UFM1: variants seen among roughly 807,000 people sequenced by gnomAD.
The protein encoded by UFM1 is ubiquitin fold modifier 1, also known as ubiquitin-fold modifier 1.
UFM1 carries 9 observed loss-of-function variants against 15.4 expected under a neutral mutation model. The ratio of observed to expected loss-of-function variants is 0.59; its 90% CI spans 0.35 to 1.02. The LOEUF (loss-of-function observed/expected upper bound fraction) is 1.02, where lower values mean the gene tolerates loss of function less well. Among genes scored for constraint, UFM1 ranks in the 50% least tolerant of loss-of-function variants. UFM1 has a pLI of 0.02. For synonymous variants in UFM1, 27 were observed against 36.3 expected (o/e 0.74, Z 0.92); for missense variants, 98 against 104.7 (o/e 0.94, Z 0.28).
Position 38,363,497 on chromosome 13 carries a change from A to G in UFM1, c.*2719A>G, listed in dbSNP as rs1270891884. 2 of 5,568 alleles carry G rather than the reference A, an allele frequency of 3.6e-4. No homozygotes were observed. Among genetic ancestry groups the G allele is most frequent in the African/African-American group, 2.1e-4 (1 of 4,790 alleles). 0.3% of individuals were successfully genotyped at this position (5,568 alleles called of 1,614,324 possible). A position where few individuals can be genotyped will look rare whatever the true frequency, so the allele number is the denominator to read the frequency against. On this transcript the variant is annotated 3_prime_UTR_variant, in exon 6 of 6. Transcript: ENST00000239878. ...AAATGCCTGTCCATTTTACAGACGG[A>G]AAAAAAAAAAAAAAAAGTTGAGAAG...
Position 38,360,939 on chromosome 13 carries a change from C to A in UFM1, c.*161C>A. 1 of 546,620 alleles carries A rather than the reference C, an allele frequency of 1.8e-6. No homozygotes were observed. The highest frequency in any genetic ancestry group is 3.1e-5 in the East Asian group (1 of 32,446). The allele number at this position is 546,620 out of a possible 1,614,324, so 33.9% of individuals were successfully genotyped here. A position where few individuals can be genotyped will look rare whatever the true frequency, so the allele number is the denominator to read the frequency against. On this transcript the variant is annotated 3_prime_UTR_variant, in exon 6 of 6. Transcript: ENST00000239878. ...TCCCTTTTTGTTGTCCATACTCTTC[C>A]TATGAAGAGGGAATGCGTATGAATT... is the stretch of plus-strand genomic sequence containing the variant.
chr13:38,352,221 C>G (rs1291009820), intron 2 of UFM1, among the ~76,000 whole-genome samples: 3 of 151,776 alleles, frequency 2.0e-5, no homozygotes, highest in Non-Finnish European at 4.4e-5. Flanking sequence ...CCTCAGCCTC[C>G]CAAATAGCTG....
intron 2 of UFM1, among the ~76,000 whole-genome samples, chr13:38,351,127 A>C (rs1437441820): frequency 6.6e-6 from 1 of 152,148 alleles, no homozygotes; most frequent in Non-Finnish European, 1.5e-5. Flanking sequence ...CTCCTTATAT[A>C]GTTAAGAGTC....
In UFM1 at chr13:38,349,872, C is replaced by G. The variant is rs779056293; in HGVS notation, c.-48C>G. 1.2e-6 allele frequency: 2 copies of G among 1,614,136 alleles called. No individual in the cohort carries two copies. Among genetic ancestry groups the G allele is most frequent in the East Asian group, 2.2e-5 (1 of 44,854 alleles). ...CCCCAGCACACTAGAGGAAGTCGTG[C>G]TACCCCCGCGGAGTTGTCGTGTGTT... is the stretch of plus-strand genomic sequence containing the variant. On this transcript the variant is annotated 5_prime_UTR_variant, in exon 1 of 6. Coordinates refer to ENST00000239878, the MANE Select transcript of UFM1 (RefSeq NM_016617.4).
intron 2 of UFM1, 119 bp from the exon 3 acceptor site, chr13:38,354,120 C>T (rs767996560): frequency 1.3e-6 from 1 of 795,240 alleles, no homozygotes; most frequent in Non-Finnish European, 2.0e-6. Flanking sequence ...AAATCACTAA[C>T]TTTGAAACTG....
At chr13:38,360,594 GA>G in intron 5 of UFM1, 116 bp from the exon 6 acceptor site, 1 of 715,400 alleles carries the variant, frequency 1.4e-6, no homozygotes, top group Non-Finnish European at 2.2e-6. Flanking sequence ...CATGATGCTT[GA>G]GCTTTTGTAC....
chr13:38,359,037 A>G (rs1405824558), intron 4 of UFM1, among the ~76,000 whole-genome samples: 1 of 152,086 alleles, frequency 6.6e-6, no homozygotes, highest in Non-Finnish European at 1.5e-5. Context: ...AATAGAATTA[A>G]TAACCTATAT....
chr13:38,356,737 G>A (rs1879116537), intron 3 of UFM1, among the ~76,000 whole-genome samples: 1 of 149,974 alleles, frequency 6.7e-6, no homozygotes, highest in African/African-American at 2.4e-5. Context: ...GAAGAACAGG[G>A]ATTACTGGTC....
Position 38,358,228 on chromosome 13 carries a change from G to A in UFM1, c.157+96G>A, listed in dbSNP as rs369399488. 1.5e-5 allele frequency: 10 copies of A among 669,050 alleles called. No homozygotes were observed. The South Asian group carries it at 2.7e-4, about 18-fold the overall frequency. 41.4% of individuals were successfully genotyped at this position (669,050 alleles called of 1,614,324 possible). A position where few individuals can be genotyped will look rare whatever the true frequency, so the allele number is the denominator to read the frequency against. The stretch of plus-strand genomic sequence containing the variant: ...TAAAATTAAATACAAAAAGCCCCAA[G>A]TATATGTATATCAACATAAATGATA... On this transcript the variant is annotated intron_variant, in intron 4 of 5. Transcript: ENST00000239878.
chr13:38,360,234 T>G (rs1879309133), intron 5 of UFM1, among the ~76,000 whole-genome samples: 1 of 151,972 alleles, frequency 6.6e-6, no homozygotes, highest in Non-Finnish European at 1.5e-5. Context: ...ACTTTCAATA[T>G]TTTACAGTAG....
chr13:38,352,945 T>G (rs1878927080), intron 2 of UFM1, among the ~76,000 whole-genome samples: 1 of 152,218 alleles, frequency 6.6e-6, no homozygotes, highest in Non-Finnish European at 1.5e-5. Flanking sequence ...GCAAAAATAC[T>G]TTGTAAAATA....
At chr13:38,351,899 G>A (rs1878872253) in intron 2 of UFM1, among the ~76,000 whole-genome samples, 1 of 151,636 alleles carries the variant, frequency 6.6e-6, no homozygotes, top group Non-Finnish European at 1.5e-5. Context: ...ACGTGTAAAT[G>A]TGTGTACAAG....
chr13:38,352,146 C>G (rs1169582033), intron 2 of UFM1, among the ~76,000 whole-genome samples: 2 of 145,180 alleles, frequency 1.4e-5, no homozygotes, highest in Non-Finnish European at 3.0e-5. Flanking sequence ...CTCTGTTGCC[C>G]AGGTTGGAGT....
chr13:38,350,918 G>T (rs1878819283), intron 2 of UFM1, among the ~76,000 whole-genome samples: 2 of 152,006 alleles, frequency 1.3e-5, no homozygotes, highest in African/African-American at 4.8e-5. Flanking sequence ...TTTATCTCAG[G>T]TGTTCATGGT....
chr13:38,355,841 C>G (rs920566876), intron 3 of UFM1, among the ~76,000 whole-genome samples: 10 of 151,754 alleles, frequency 6.6e-5, no homozygotes, highest in Non-Finnish European at 1.5e-4. Flanking sequence ...ATTGTAGAAT[C>G]ATTCAGTGAG....
intron 3 of UFM1, among the ~76,000 whole-genome samples, chr13:38,357,617 CTT>C (rs1289199601): frequency 1.3e-5 from 2 of 151,454 alleles, no homozygotes; most frequent in African/African-American, 4.8e-5. Context: ...CTGCATAAAA[CTT>C]TTTTATTTCT....
chr13:38,350,203 T>C (rs751990771), intron 2 of UFM1, 148 bp downstream of exon 2: 1 of 1,612,904 alleles, frequency 6.2e-7, no homozygotes, highest in South Asian at 1.1e-5. Flanking sequence ...CCAGGAGCCT[T>C]TCCCACCGGA....
intron 2 of UFM1, among the ~76,000 whole-genome samples, chr13:38,353,232 C>T (rs1372776181): frequency 1.3e-5 from 2 of 151,970 alleles, no homozygotes; most frequent in African/African-American, 4.8e-5. Flanking sequence ...AGTGAGGAGC[C>T]TGGGCATATA....
intron 3 of UFM1, 92 bp downstream of exon 3, chr13:38,354,388 T>C: frequency 9.2e-7 from 1 of 1,091,960 alleles, no homozygotes; most frequent in South Asian, 1.7e-5. Context: ...TGACCCATCA[T>C]TTCCATGTGG....
Sources: allele counts gnomAD v4.1 joint callset (sites outside exome capture counted in the v4.1 genomes callset), GRCh38; gene constraint gnomAD v4.1.1; transcripts MANE v1.5; gene names NCBI Gene and HGNC (gene_info 2026-07-23, HGNC 2026-07-21).